The following TENM2 variants were observed in gnomAD, a reference collection of about 807,000 sequenced individuals.
TENM2 encodes the protein teneurin-2.
In TENM2, 52 loss-of-function variants were observed where a neutral mutation model predicts 245.2. The ratio of observed to expected loss-of-function variants is 0.21; its 90% confidence interval spans 0.17 to 0.27. TENM2 has a LOEUF of 0.27. TENM2 is among the 10% of genes least tolerant of loss of function. TENM2 has a pLI of 1.00. For synonymous variants in TENM2, 1,363 were observed against 1,438.9 expected (o/e 0.95, Z 1.19); for missense variants, 3,046 against 3,666.8 (o/e 0.83, Z 4.37).
the TENM2 span, among the ~76,000 whole-genome samples, chr5:167,251,578 C>A: frequency 6.6e-6 from 1 of 152,074 alleles, no homozygotes; most frequent in Admixed American, 6.6e-5. Flanking sequence ...TCAGGCAAAC[C>A]AATTTGGGCA....
chr5:167,612,858 C>T (rs1777561933), intron 2 of TENM2, among the ~76,000 whole-genome samples: 1 of 152,178 alleles, frequency 6.6e-6, no homozygotes, highest in African/African-American at 2.4e-5. Context: ...TTTGGAAAAT[C>T]TTCAAGAGGC....
intron 2 of TENM2, among the ~76,000 whole-genome samples, chr5:167,458,496 A>C (rs1766068573): frequency 1.6e-5 from 1 of 63,348 alleles, no homozygotes; most frequent in Non-Finnish European, 2.7e-5. Flanking sequence ...CAAAAAAACA[A>C]AAAAAAAAAA....
rs1455100115 is a variant in TENM2, at chr5:167,678,862, A to G, written c.503-197124A>G. ...TTGTATTTTCCCTCAAAGAATGTCAATAAAGATTTTATTTTTTTCAATTAC... is the reference window on the plus strand; with the variant it reads ...TTGTATTTTCCCTCAAAGAATGTCAGTAAAGATTTTATTTTTTTCAATTAC... On this transcript the variant is annotated intron_variant, in intron 2 of 28. Transcript: ENST00000518659. 2.6e-5 allele frequency among the ~76,000 whole-genome samples: 4 copies of G among 152,140 alleles called. No individual in the cohort carries two copies. In the East Asian group the frequency reaches 7.7e-4, roughly 29 times the overall value.
chr5:167,203,780 A>G, the TENM2 span, among the ~76,000 whole-genome samples: 4 of 152,024 alleles, frequency 2.6e-5, no homozygotes, highest in African/African-American at 7.2e-5. Context: ...TTATTTTTAT[A>G]TATTCTAAAA....
chr5:167,793,532 T>C (rs1765116838), intron 2 of TENM2, among the ~76,000 whole-genome samples: 1 of 152,150 alleles, frequency 6.6e-6, no homozygotes. Context: ...AACCATAGTT[T>C]ATCCTTAAGA....
chr5:167,696,961 C>A (rs1433236232), intron 2 of TENM2, among the ~76,000 whole-genome samples: 1 of 152,230 alleles, frequency 6.6e-6, no homozygotes, highest in Non-Finnish European at 1.5e-5. Context: ...AGCGTCTACA[C>A]TCTCTATCTG....
In TENM2 at chr5:168,258,874, ATTT is replaced by A. The variant is rs143279852; in HGVS notation, c.7433-1400_7433-1398del. On this transcript the variant is annotated intron_variant, in intron 27 of 28. Transcript: ENST00000518659. Reference sequence around the variant, plus strand: ...ATGGTGAATTTTATATGAGTTTTACATTTTTTTTTTTAAAGGGAAATGATTAGG... The same window carrying A: ...ATGGTGAATTTTATATGAGTTTTACATTTTTTTTAAAGGGAAATGATTAGG... Among the ~76,000 whole-genome samples the A allele has an allele frequency of 9.2e-3, 1,357 of 148,294 alleles. 18 individuals carry two copies. Among genetic ancestry groups the A allele is most frequent in the African/African-American group, 0.032 (1,295 of 40,680 alleles).
chr5:167,608,380 T>C (rs1777208330), intron 2 of TENM2, among the ~76,000 whole-genome samples: 1 of 152,174 alleles, frequency 6.6e-6, no homozygotes, highest in Admixed American at 6.5e-5. Context: ...AAAAATAAGT[T>C]GTGAAAGTAG....
At chr5:167,478,783 A>G (rs1343285437) in intron 2 of TENM2, among the ~76,000 whole-genome samples, 1 of 152,170 alleles carries the variant, frequency 6.6e-6, no homozygotes, top group African/African-American at 2.4e-5. Flanking sequence ...CGCTTTTATG[A>G]TATGACTTCT....
At position 167,691,572 on chromosome 5, in the gene TENM2, A is replaced by G. The variant is rs1232539885; in HGVS notation, c.503-184414A>G. ...CCCATTTCTCCAATCTTATTGTGCC[A>G]GTCTGCCTTCCCCGCTTCTGTCCCT... On this transcript the variant is annotated intron_variant, in intron 2 of 28. Coordinates refer to ENST00000518659, the Ensembl canonical transcript of TENM2. 2.6e-5 allele frequency among the ~76,000 whole-genome samples: 4 copies of G among 152,324 alleles called. No homozygotes were observed. In the East Asian group the frequency reaches 5.8e-4, roughly 22 times the overall value.
intron 2 of TENM2, among the ~76,000 whole-genome samples, chr5:167,716,376 C>T (rs901373732): frequency 6.6e-6 from 1 of 152,224 alleles, no homozygotes; most frequent in Non-Finnish European, 1.5e-5. Flanking sequence ...GTGAAATGTG[C>T]ATCATTCCCC....
chr5:167,768,754 G>A (rs910587087), intron 2 of TENM2, among the ~76,000 whole-genome samples: 8 of 152,158 alleles, frequency 5.3e-5, no homozygotes, highest in African/African-American at 1.9e-4. Flanking sequence ...TTTCTCATGA[G>A]ATTCTTGTGA....
chr5:167,359,915 A>G lies in TENM2; in HGVS notation c.227-15283A>G, dbSNP rs376276543. On this transcript the variant is annotated intron_variant, in intron 1 of 28. Coordinates refer to ENST00000518659, the Ensembl canonical transcript of TENM2. ...ACCATCATCCTTAGCAAACTAAGAC[A>G]GGAACAAAAAGCCAAATACCGCATT... 7.9e-4 allele frequency among the ~76,000 whole-genome samples: 121 copies of G among 152,348 alleles called. 4 individuals are homozygous for G. In the South Asian group the frequency reaches 0.023, roughly 29 times the overall value.
intron 3 of TENM2, among the ~76,000 whole-genome samples, chr5:167,925,792 C>T (rs1198750048): frequency 6.6e-6 from 1 of 152,194 alleles, no homozygotes; most frequent in Non-Finnish European, 1.5e-5. Flanking sequence ...TACAAGATCA[C>T]GTCTTTTGCA....
chr5:167,339,716 A>G (rs1234471542), intron 1 of TENM2, among the ~76,000 whole-genome samples: 1 of 152,112 alleles, frequency 6.6e-6, no homozygotes, highest in Non-Finnish European at 1.5e-5. Context: ...CTCCAGTGCA[A>G]AAGTGTGGGG....
At chr5:168,056,787 T>C (rs957543212) in intron 6 of TENM2, among the ~76,000 whole-genome samples, 1 of 152,210 alleles carries the variant, frequency 6.6e-6, no homozygotes, top group Non-Finnish European at 1.5e-5. Flanking sequence ...TTATCTCTTA[T>C]ACCATATTTT....
At chr5:168,203,054 G>T (rs945616248) in intron 17 of TENM2, among the ~76,000 whole-genome samples, 3 of 152,132 alleles carry the variant, frequency 2.0e-5, no homozygotes, top group Admixed American at 1.3e-4. Context: ...TCTCCCATTT[G>T]TCCATGTGGC....
chr5:167,372,518 C>T (rs1398058969), intron 1 of TENM2, among the ~76,000 whole-genome samples: 1 of 152,204 alleles, frequency 6.6e-6, no homozygotes, highest in Non-Finnish European at 1.5e-5. Context: ...ACTTTTCCTT[C>T]TTTCCTGAGG....
In TENM2 at chr5:167,862,241, ATGTGTG is replaced by A. The variant is rs138403142; in HGVS notation, c.503-13722_503-13717del. Among the ~76,000 whole-genome samples, 1,426 of 148,512 alleles carry A rather than the reference ATGTGTG, an allele frequency of 9.6e-3. 26 individuals are homozygous for A. Among genetic ancestry groups the A allele is most frequent in the African/African-American group, 0.03 (1,239 of 40,756 alleles). On this transcript the variant is annotated intron_variant, in intron 2 of 28. Transcript: ENST00000518659. The stretch of plus-strand genomic sequence containing the variant: ...TTGCTGACTCTAGTCAATTTAGAGT[ATGTGTG>A]TGTGTGTGTGTGTGTGTGTGTGCAT...
Sources: gnomAD v4.1 joint callset for allele counts (sites outside exome capture counted in the v4.1 genomes callset) on GRCh38, gnomAD v4.1.1 for gene constraint, MANE v1.5 for transcripts, NCBI Gene and HGNC (gene_info 2026-07-23, HGNC 2026-07-21) for gene names.